Variants in MPPED2 observed in about 807,000 individuals in gnomAD.
The protein encoded by MPPED2 is metallophosphoesterase domain containing 2.
Under a neutral mutation model 33.0 loss-of-function variants are expected in MPPED2, and 5 were observed. That is an observed-to-expected ratio of 0.15 (90% CI 0.08 to 0.32). The LOEUF is 0.32. MPPED2 is among the 10% of genes least tolerant of loss of function. The pLI is 1.00. For missense variants in MPPED2, 275 were observed against 372.1 expected, an observed-to-expected ratio of 0.74 and a Z score of 2.15; for synonymous variants, 136 against 141.9, an observed-to-expected ratio of 0.96 and a Z score of 0.29.
At chr11:30,585,717 G>A (rs989373087) in intron 1 of MPPED2, among the ~76,000 whole-genome samples, 1 of 152,272 alleles carries the variant, frequency 6.6e-6, no homozygotes, top group East Asian at 1.9e-4. Flanking sequence ...GCTGGAGGGG[G>A]TGGAGAAGAG....
At chr11:30,585,401 G>A (rs1375944011) in intron 1 of MPPED2, among the ~76,000 whole-genome samples, 2 of 151,856 alleles carry the variant, frequency 1.3e-5, no homozygotes, top group Non-Finnish European at 1.5e-5. Flanking sequence ...CCCCGGGGGC[G>A]GCCGCGGGGC....
At chr11:30,467,628 C>T (rs1401781236) in intron 4 of MPPED2, among the ~76,000 whole-genome samples, 1 of 152,192 alleles carries the variant, frequency 6.6e-6, no homozygotes, top group Non-Finnish European at 1.5e-5. Context: ...ACCCCCATTA[C>T]AAGTGCGATC....
intron 3 of MPPED2, among the ~76,000 whole-genome samples, chr11:30,524,765 T>A (rs1954076096): frequency 6.6e-6 from 1 of 152,150 alleles, no homozygotes; most frequent in South Asian, 2.1e-4. Flanking sequence ...GGTACCTGGA[T>A]TAATGGTACT....
chr11:30,469,936 G>A (rs2134052587), intron 4 of MPPED2, among the ~76,000 whole-genome samples: 1 of 152,230 alleles, frequency 6.6e-6, no homozygotes, highest in South Asian at 2.1e-4. Context: ...GGTACCCAGA[G>A]AACTCCATGG....
intron 2 of MPPED2, among the ~76,000 whole-genome samples, chr11:30,537,779 TAGAA>T (rs1380012079): frequency 6.6e-6 from 1 of 152,200 alleles, no homozygotes; most frequent in African/African-American, 2.4e-5. Context: ...TTTTTTCTGT[TAGAA>T]AGGTTAGAAA....
chr11:30,427,268 T>C (rs571632451), intron 4 of MPPED2, among the ~76,000 whole-genome samples: 65 of 152,264 alleles, frequency 4.3e-4, no homozygotes, highest in Non-Finnish European at 7.5e-4. Context: ...ATGAAATCTC[T>C]GCCCCCAAAT....
intron 4 of MPPED2, among the ~76,000 whole-genome samples, chr11:30,467,911 C>A (rs537877926): frequency 2.0e-5 from 3 of 152,206 alleles, no homozygotes; most frequent in African/African-American, 7.2e-5. Context: ...CCAAGATGTG[C>A]TTACTGATGC....
intron 2 of MPPED2, among the ~76,000 whole-genome samples, chr11:30,572,198 AC>A (rs1385094958): frequency 2.0e-5 from 3 of 152,202 alleles, no homozygotes; most frequent in Non-Finnish European, 4.4e-5. Context: ...CAAGTAGCCA[AC>A]AAACAAATAA....
chr11:30,493,157 GC>G (rs1952062815), intron 4 of MPPED2, among the ~76,000 whole-genome samples: 1 of 152,082 alleles, frequency 6.6e-6, no homozygotes, highest in South Asian at 2.1e-4. Context: ...GCCGAGGCGG[GC>G]GGATCACGAG....
chr11:30,577,746 G>T (rs1344376109), intron 2 of MPPED2, among the ~76,000 whole-genome samples: 1 of 152,158 alleles, frequency 6.6e-6, no homozygotes, highest in Non-Finnish European at 1.5e-5. Flanking sequence ...AAAGAGTAAA[G>T]CCAGGGAAAA....
chr11:30,487,322 T>G (rs758540855), intron 4 of MPPED2, among the ~76,000 whole-genome samples: 8 of 152,262 alleles, frequency 5.3e-5, no homozygotes, highest in Admixed American at 2.0e-4. Flanking sequence ...TCCCTCTTGG[T>G]GCATATGCCC....
intron 4 of MPPED2, among the ~76,000 whole-genome samples, chr11:30,492,559 G>A (rs1273876368): frequency 6.6e-6 from 1 of 152,090 alleles, no homozygotes; most frequent in South Asian, 2.1e-4. Context: ...CTGTGAAGCT[G>A]GAAATGCTCT....
downstream of MPPED2, among the ~76,000 whole-genome samples, chr11:30,405,308 T>C (rs1289442985): frequency 6.6e-6 from 1 of 152,170 alleles, no homozygotes; most frequent in Non-Finnish European, 1.5e-5. Flanking sequence ...ACAGGCCCTT[T>C]CCCCATGGCA....
intron 2 of MPPED2, among the ~76,000 whole-genome samples, chr11:30,536,741 A>G (rs1332829997): frequency 6.6e-6 from 1 of 151,972 alleles, no homozygotes; most frequent in Admixed American, 6.6e-5. Flanking sequence ...CACAAATCAA[A>G]CCGTAGGGAG....
chr11:30,563,898 A>T (rs1341933241), intron 2 of MPPED2, among the ~76,000 whole-genome samples: 3 of 152,200 alleles, frequency 2.0e-5, no homozygotes, highest in Non-Finnish European at 4.4e-5. Context: ...ACATGTCAAA[A>T]TGGAGGTAAC....
intron 4 of MPPED2, among the ~76,000 whole-genome samples, chr11:30,477,067 C>T (rs75481653): frequency 0.05 from 7,658 of 152,094 alleles, 596 homozygotes; most frequent in African/African-American, 0.17. Context: ...TATCTTAATC[C>T]TGCATCCCAT....
At chr11:30,389,492 C>T (rs1211155215) in intron 6 of MPPED2, among the ~76,000 whole-genome samples, 2 of 152,194 alleles carry the variant, frequency 1.3e-5, no homozygotes, top group Non-Finnish European at 2.9e-5. Context: ...TCTATGTATT[C>T]ATAAAATGTA....
intron 4 of MPPED2, among the ~76,000 whole-genome samples, chr11:30,488,942 C>T (rs879845255): frequency 2.0e-5 from 3 of 152,252 alleles, no homozygotes; most frequent in East Asian, 1.9e-4. Flanking sequence ...TCCCTGAAAA[C>T]GTCGTACAGA....
At chr11:30,440,340 A>T (rs1237251571) in intron 4 of MPPED2, among the ~76,000 whole-genome samples, 2 of 152,048 alleles carry the variant, frequency 1.3e-5, no homozygotes, top group Non-Finnish European at 2.9e-5. Context: ...CAAAAAAAAA[A>T]AAAAAGTTTT....
Sources: allele counts gnomAD v4.1 joint callset (sites outside exome capture counted in the v4.1 genomes callset), GRCh38; gene constraint gnomAD v4.1.1; transcripts MANE v1.5; gene names NCBI Gene and HGNC (gene_info 2026-07-23, HGNC 2026-07-21).